YES1: variants seen among roughly 807,000 people sequenced by gnomAD.
The protein encoded by YES1 is tyrosine-protein kinase Yes.
YES1 carries 39 observed loss-of-function variants against 70.4 expected under a neutral mutation model. The observed-to-expected ratio is 0.55, with a 90% CI of 0.43 to 0.72. YES1 has a LOEUF of 0.72. Among genes scored for constraint, YES1 ranks in the 30% least tolerant of loss-of-function variants. The pLI, the probability that YES1 is intolerant of heterozygous loss-of-function variation, is 0.00. For synonymous variants in YES1, 198 were observed against 218.6 expected (o/e 0.91, Z 0.83); for missense variants, 495 against 644.8 (o/e 0.77, Z 2.52).
intron 3 of YES1, among the ~76,000 whole-genome samples, chr18:748,797 T>TA (rs35481075): frequency 2.4e-4 from 36 of 150,114 alleles, no homozygotes; most frequent in South Asian, 1.7e-3. Context: ...TCATTTTAGA[T>TA]AAAAAAAAAA....
Position 745,739 on chromosome 18 carries a change from A to C in YES1, c.693T>G (p.Asp231Glu). 6.2e-7 allele frequency: 1 copy of C among 1,612,240 alleles called. No homozygotes were observed. Among genetic ancestry groups the C allele is most frequent in the Non-Finnish European group, 8.5e-7 (1 of 1,179,530 alleles). ...AGTGTTTCACCAATTTCTGCAGAGT[A>C]TCAAATTGTGCTCTGGTTGTGATAT... ...GYYITTRAQFDTLQKLVKHYT... is the reference protein window; with the variant it reads ...GYYITTRAQFETLQKLVKHYT... Residue 231 changes from aspartate to glutamate, a missense_variant, in exon 6 of 12, where the codon GAT becomes GAG. Coordinates refer to ENST00000314574, the MANE Select transcript of YES1 (RefSeq NM_005433.4).
intron 1 of YES1, among the ~76,000 whole-genome samples, chr18:782,033 G>A (rs1478031266): frequency 6.6e-6 from 1 of 152,086 alleles, no homozygotes; most frequent in Non-Finnish European, 1.5e-5. Context: ...TTTCTTCTCT[G>A]TTTCTCCTGG....
In YES1 at chr18:751,678, C is replaced by A. The variant is rs763282872; in HGVS notation, c.371+27G>T. On this transcript the variant is annotated intron_variant, in intron 3 of 11. Transcript: ENST00000314574. ...AAAGACCAGATTTCTGTCAGTATTT[C>A]TCTCACAAAATATTCATGACACTTA... is the stretch of plus-strand genomic sequence containing the variant. 9 of 1,409,588 alleles carry A rather than the reference C, an allele frequency of 6.4e-6. No individual in the cohort carries two copies. In the Admixed American group the frequency reaches 1.2e-4, roughly 19 times the overall value. The allele number at this position is 1,409,588 out of a possible 1,614,324, so 87.3% of individuals were successfully genotyped here.
rs562840098 is a variant in YES1, at chr18:769,785, T to C, written c.-8-12950A>G. Among the ~76,000 whole-genome samples the C allele has an allele frequency of 1.6e-4, 25 of 152,334 alleles. No homozygotes were observed. In the South Asian group the frequency reaches 4.6e-3, roughly 28 times the overall value. ...TCTTGAGATAAAACCCAATTGGTCA[T>C]GGTATATTACCCTTTTATATATTCC... On this transcript the variant is annotated intron_variant, in intron 1 of 11. Coordinates refer to ENST00000314574, the MANE Select transcript of YES1 (RefSeq NM_005433.4).
At chr18:748,136 G>C (rs1304883707) in intron 3 of YES1, 118 bp from the exon 4 acceptor site, 1 of 712,826 alleles carries the variant, frequency 1.4e-6, no homozygotes, top group Non-Finnish European at 2.3e-6. Flanking sequence ...TTTTATTTAT[G>C]CATTCATTGG....
chr18:798,240 C>T (rs1339962080), intron 1 of YES1: 1 of 152,192 alleles, frequency 6.6e-6, no homozygotes, highest in Non-Finnish European at 1.5e-5. Context: ...TGTTCTGTGT[C>T]ACCTATTATT....
chr18:806,187 C>A (rs1389432339), intron 1 of YES1, among the ~76,000 whole-genome samples: 1 of 152,142 alleles, frequency 6.6e-6, no homozygotes, highest in East Asian at 1.9e-4. Context: ...ATACCAAATG[C>A]ATTTTTTAAA....
chr18:756,167 T>A (rs2080403681), intron 2 of YES1, among the ~76,000 whole-genome samples: 1 of 152,130 alleles, frequency 6.6e-6, no homozygotes, highest in Non-Finnish European at 1.5e-5. Flanking sequence ...TTAACATCTA[T>A]TAAGTAACCA....
At chr18:735,616 G>A (rs7230203) in intron 10 of YES1, 65,538 of 151,798 alleles carry the variant, frequency 0.43, 14,168 homozygotes, top group Admixed American at 0.49. Flanking sequence ...CGGGAGGCTG[G>A]GGCAGGAGAA....
intron 9 of YES1, 164 bp from the exon 10 acceptor site, chr18:737,125 C>G (rs1282380914): frequency 1.6e-6 from 1 of 615,804 alleles, no homozygotes; most frequent in Non-Finnish European, 2.6e-6. Context: ...AACCAGAAAA[C>G]ATAATAAAAA....
chr18:797,984 A>T (rs1164576935), intron 1 of YES1: 1 of 152,154 alleles, frequency 6.6e-6, no homozygotes, highest in Non-Finnish European at 1.5e-5. Flanking sequence ...TAGGACAAAA[A>T]ATGACAGGGG....
chr18:781,630 C>T (rs1905673724), intron 1 of YES1, among the ~76,000 whole-genome samples: 2 of 152,116 alleles, frequency 1.3e-5, no homozygotes, highest in South Asian at 4.1e-4. Flanking sequence ...TAGCTGATGC[C>T]CAATGAATAT....
intron 1 of YES1, among the ~76,000 whole-genome samples, chr18:805,160 T>G (rs1202304550): frequency 1.3e-5 from 2 of 152,184 alleles, no homozygotes; most frequent in Non-Finnish European, 2.9e-5. Flanking sequence ...TGACATTATG[T>G]GAACACTCTA....
intron 1 of YES1, among the ~76,000 whole-genome samples, chr18:795,081 C>T (rs1247198422): frequency 2.0e-5 from 3 of 152,100 alleles, no homozygotes; most frequent in Non-Finnish European, 4.4e-5. Context: ...CCAAAGGATG[C>T]TATTTCCAAA....
At chr18:741,634 T>C (rs2080217927) in intron 8 of YES1, among the ~76,000 whole-genome samples, 1 of 152,008 alleles carries the variant, frequency 6.6e-6, no homozygotes, top group Admixed American at 6.6e-5. Context: ...TGAAATCCCA[T>C]CTGTAGAAAA....
chr18:730,634 G>A (rs574800202), intron 11 of YES1, among the ~76,000 whole-genome samples: 1 of 152,216 alleles, frequency 6.6e-6, no homozygotes, highest in East Asian at 1.9e-4. Flanking sequence ...TTCTGTCTGG[G>A]TTTTACTGCC....
chr18:726,781 C>CAAAAAAAAA lies in YES1; in HGVS notation c.1424-2158_1424-2150dup. Among the ~76,000 whole-genome samples, 26 of 47,248 alleles carry CAAAAAAAAA rather than the reference C, an allele frequency of 5.5e-4. 1 individual carries two copies. The highest frequency in any genetic ancestry group is 1.3e-3 in the African/African-American group (15 of 11,456). 31.0% of individuals were successfully genotyped at this position (47,248 alleles called of 152,430 possible). A position where few individuals can be genotyped will look rare whatever the true frequency, so the allele number is the denominator to read the frequency against. The stretch of plus-strand genomic sequence containing the variant: ...GGGTGACAAAGCAAGACTCTTGTCT[C>CAAAAAAAAA]AAAAAAAAAAAAAAAAAAAAAAAAA... On this transcript the variant is annotated intron_variant, in intron 11 of 11. Transcript: ENST00000314574.
At chr18:731,770 A>G (rs576651284) in intron 11 of YES1, among the ~76,000 whole-genome samples, 1 of 151,860 alleles carries the variant, frequency 6.6e-6, no homozygotes, top group Admixed American at 6.6e-5. Context: ...GATCGAGACC[A>G]TCCTGGTTAA....
intron 3 of YES1, among the ~76,000 whole-genome samples, chr18:749,252 G>C (rs2080315296): frequency 6.6e-6 from 1 of 152,108 alleles, no homozygotes; most frequent in African/African-American, 2.4e-5. Flanking sequence ...CCAGTACTTT[G>C]GGAGGCCGGG....
Sources: gnomAD v4.1 joint callset for allele counts (sites outside exome capture counted in the v4.1 genomes callset) on GRCh38, gnomAD v4.1.1 for gene constraint, MANE v1.5 for transcripts, NCBI Gene and HGNC (gene_info 2026-07-23, HGNC 2026-07-21) for gene names.